The following AKAP13 variants were observed in gnomAD, a reference collection of about 807,000 sequenced individuals.
The protein encoded by AKAP13 is A-kinase anchoring protein 13.
In AKAP13, 80 loss-of-function variants were observed where a neutral mutation model predicts 264.5. The ratio of observed to expected loss-of-function variants is 0.30; its 90% CI spans 0.25 to 0.36. AKAP13 has a LOEUF of 0.36. Ranked by LOEUF, AKAP13 falls within the 10% of genes least tolerant of loss-of-function variation. The pLI is 1.00. For synonymous variants in AKAP13, 1,380 were observed against 1,250.2 expected (o/e 1.10, Z -2.19); for missense variants, 3,712 against 3,435.2 (o/e 1.08, Z -2.01).
chr15:85,593,946 T>G (rs1226791845), intron 8 of AKAP13, among the ~76,000 whole-genome samples: 2 of 152,220 alleles, frequency 1.3e-5, no homozygotes, highest in Non-Finnish European at 2.9e-5. Flanking sequence ...TGTTTCCTCA[T>G]TTGTAAATTT....
At chr15:85,469,194 C>T (rs749025121) in intron 1 of AKAP13, among the ~76,000 whole-genome samples, 6 of 149,886 alleles carry the variant, frequency 4.0e-5, no homozygotes, top group African/African-American at 1.5e-4. Flanking sequence ...GGATTACAGG[C>T]GTGAGCCACC....
Position 85,577,638 on chromosome 15 carries a change from T to A in AKAP13, c.862-1292T>A, listed in dbSNP as rs537972296. Reference sequence around the variant, plus strand: ...GTTGGTTATATCTGTTTATATTTTTTAAATACTTTAAAGTTGCAAAATCCA... The same window carrying A: ...GTTGGTTATATCTGTTTATATTTTTAAAATACTTTAAAGTTGCAAAATCCA... On this transcript the variant is annotated intron_variant, in intron 6 of 36. Coordinates refer to ENST00000394518, the MANE Select transcript of AKAP13 (RefSeq NM_007200.5). The A allele has an allele frequency of 5.0e-5, 10 of 201,530 alleles. No homozygotes were observed. In the South Asian group the frequency reaches 1.7e-3, roughly 35 times the overall value. The allele number at this position is 201,530 out of a possible 1,614,324, so 12.5% of individuals were successfully genotyped here.
rs114562811 is a variant in AKAP13, at chr15:85,419,657, G to T, written c.-12+38859G>T. 6.3e-3 allele frequency among the ~76,000 whole-genome samples: 962 copies of T among 152,024 alleles called. 11 individuals are homozygous for T. The highest frequency in any genetic ancestry group is 0.022 in the African/African-American group (911 of 41,460). Reference sequence around the variant, plus strand: ...GGATGGAGAGGGAATGTAGAGAGATGGTTAACCAGTATTTATGTCTCATTT... The same window carrying T: ...GGATGGAGAGGGAATGTAGAGAGATTGTTAACCAGTATTTATGTCTCATTT... On this transcript the variant is annotated intron_variant, in intron 1 of 36. Transcript: ENST00000394518.
intron 8 of AKAP13, among the ~76,000 whole-genome samples, chr15:85,617,611 G>A (rs920195617): frequency 1.2e-4 from 19 of 152,184 alleles, no homozygotes; most frequent in African/African-American, 4.6e-4. Context: ...AACCTTGGAA[G>A]CAGGAATCAT....
chr15:85,561,944 T>C (rs1470935461), intron 5 of AKAP13, among the ~76,000 whole-genome samples: 2 of 152,246 alleles, frequency 1.3e-5, no homozygotes, highest in Non-Finnish European at 2.9e-5. Flanking sequence ...GTCTGCATTC[T>C]CTGCTACAAA....
intron 2 of AKAP13, among the ~76,000 whole-genome samples, chr15:85,495,727 C>T (rs1429337860): frequency 1.3e-5 from 2 of 152,112 alleles, no homozygotes; most frequent in Non-Finnish European, 2.9e-5. Flanking sequence ...AGGGGAAGAG[C>T]CATTCCAATT....
intron 10 of AKAP13, among the ~76,000 whole-genome samples, chr15:85,649,365 G>A (rs74025648): frequency 0.018 from 2,717 of 152,278 alleles, 81 homozygotes; most frequent in African/African-American, 0.062. Context: ...AAATAAAAGC[G>A]TGGCACTGGC....
Position 85,423,937 on chromosome 15 carries a change from G to T in AKAP13, c.-12+43139G>T, listed in dbSNP as rs984111941. Reference sequence around the variant, plus strand: ...CTCTTGGGTGACCCAGGTGCATTGTGAGTGAGCAGGAGTCTTTTTTTTCTG... The same window carrying T: ...CTCTTGGGTGACCCAGGTGCATTGTTAGTGAGCAGGAGTCTTTTTTTTCTG... On this transcript the variant is annotated intron_variant, in intron 1 of 36. Transcript: ENST00000394518. Among the ~76,000 whole-genome samples, 5 of 152,324 alleles carry T rather than the reference G, an allele frequency of 3.3e-5. No individual in the cohort carries two copies. In the South Asian group the frequency reaches 8.3e-4, roughly 25 times the overall value.
chr15:85,676,289 G>A (rs937331445), intron 14 of AKAP13, among the ~76,000 whole-genome samples: 1 of 152,220 alleles, frequency 6.6e-6, no homozygotes, highest in African/African-American at 2.4e-5. Flanking sequence ...GGCAATAGGG[G>A]AGGAATAGAG....
intron 5 of AKAP13, among the ~76,000 whole-genome samples, chr15:85,553,891 A>T (rs977086352): frequency 1.3e-5 from 2 of 152,164 alleles, no homozygotes; most frequent in Non-Finnish European, 2.9e-5. Flanking sequence ...CATGCTTCTT[A>T]TGAGAATCTA....
At chr15:85,419,935 GTTTTTTTTT>G (rs11452064) in intron 1 of AKAP13, among the ~76,000 whole-genome samples, 4 of 77,970 alleles carry the variant, frequency 5.1e-5, no homozygotes, top group African/African-American at 1.0e-4. Flanking sequence ...TCTGACTCTT[GTTTTTTTTT>G]TTTTTTTTTT....
intron 4 of AKAP13, among the ~76,000 whole-genome samples, chr15:85,541,424 TTGAACTA>T (rs2077578098): frequency 6.6e-6 from 1 of 152,194 alleles, no homozygotes; most frequent in African/African-American, 2.4e-5. Context: ...GTGTGATTCT[TTGAACTA>T]TGTGTATGTT....
Position 85,508,108 on chromosome 15 carries a change from A to T in AKAP13, c.34-13320A>T, listed in dbSNP as rs377240817. Among the ~76,000 whole-genome samples the T allele has an allele frequency of 6.0e-5, 9 of 150,964 alleles. No individual in the cohort carries two copies. The East Asian group carries it at 1.2e-3, about 20-fold the overall frequency. ...CAGGAATGAGCCCTGAGTAATATTG[A>T]TGGAGCCTCTCTTTTCCTCAGGCAC... On this transcript the variant is annotated intron_variant, in intron 2 of 36. Transcript: ENST00000394518.
At chr15:85,646,018 A>G in intron 10 of AKAP13, 64 bp downstream of exon 10, 1 of 1,570,160 alleles carries the variant, frequency 6.4e-7, no homozygotes, top group Admixed American at 1.9e-5. Context: ...TGGGCTTCCC[A>G]AACTCTTTTC....
intron 32 of AKAP13, 148 bp from the exon 33 acceptor site, chr15:85,735,942 A>T (rs963615984): frequency 2.7e-6 from 2 of 744,192 alleles, no homozygotes; most frequent in Non-Finnish European, 4.6e-6. Flanking sequence ...GGTATCAGTG[A>T]TAAATAGTTC....
At chr15:85,489,679 C>T (rs1463831026) in intron 2 of AKAP13, among the ~76,000 whole-genome samples, 2 of 152,190 alleles carry the variant, frequency 1.3e-5, no homozygotes, top group South Asian at 2.1e-4. Context: ...ACACTGTACC[C>T]GGAGAAGAAC....
intron 1 of AKAP13, among the ~76,000 whole-genome samples, chr15:85,381,132 G>T (rs544697385): frequency 7.1e-4 from 108 of 152,176 alleles, no homozygotes; most frequent in Middle Eastern, 6.8e-3. Flanking sequence ...CAGGCGCTCC[G>T]CCCCCAGCGA....
intron 5 of AKAP13, among the ~76,000 whole-genome samples, chr15:85,551,835 G>C (rs373739319): frequency 3.9e-5 from 6 of 152,300 alleles, no homozygotes; most frequent in African/African-American, 1.4e-4. Flanking sequence ...GAAAATGAAG[G>C]ATCAGTTGAT....
At chr15:85,552,082 A>G (rs147623025) in intron 5 of AKAP13, among the ~76,000 whole-genome samples, 7 of 152,384 alleles carry the variant, frequency 4.6e-5, no homozygotes, top group Admixed American at 3.3e-4. Flanking sequence ...TATCACCAGC[A>G]TAGAATGAAG....
Sources: allele counts gnomAD v4.1 joint callset (sites outside exome capture counted in the v4.1 genomes callset), GRCh38; gene constraint gnomAD v4.1.1; transcripts MANE v1.5; gene names NCBI Gene and HGNC (gene_info 2026-07-23, HGNC 2026-07-21).